The following KIF15 variants were observed in gnomAD, a reference collection of about 807,000 sequenced individuals.
KIF15 encodes the protein kinesin family member 15.
Under a neutral mutation model 190.6 loss-of-function variants are expected in KIF15, and 140 were observed. That is an observed-to-expected ratio of 0.73 (90% CI 0.64 to 0.84). The LOEUF is 0.84. KIF15 is among the 40% of genes least tolerant of loss of function. The pLI, the probability that KIF15 is intolerant of heterozygous loss-of-function variation, is 0.00. For synonymous variants in KIF15, 528 were observed against 551.3 expected (o/e 0.96, Z 0.59); for missense variants, 1,372 against 1,584.4 (o/e 0.87, Z 2.28).
At chr3:44,811,515 C>T (rs551737364) in intron 17 of KIF15, among the ~76,000 whole-genome samples, 1 of 152,164 alleles carries the variant, frequency 6.6e-6, no homozygotes, top group Admixed American at 6.5e-5. Flanking sequence ...TGTGGTGGTA[C>T]ATGCCTGTAA....
At chr3:44,839,900 A>G (rs954000039) in intron 27 of KIF15, among the ~76,000 whole-genome samples, 1 of 152,220 alleles carries the variant, frequency 6.6e-6, no homozygotes, top group Non-Finnish European at 1.5e-5. Flanking sequence ...GTATATATAT[A>G]GCACATTTTC....
chr3:44,800,352 G>A lies in KIF15; in HGVS notation c.1137G>A (p.Gln379=). The change falls in exon 11 of 35, where the codon CAG becomes CAA. Residue 379 remains glutamine, a synonymous_variant. Coordinates refer to ENST00000326047, the MANE Select transcript of KIF15 (RefSeq NM_020242.3). ...AAGACACCCAAGGAAATGTGAGCCA[G>A]CTCCAAGCTGAAGTGAAGAGGCTCA... The part of the protein sequence containing the change: ...VNEDTQGNVS[Q]LQAEVKRLKE... The A allele has an allele frequency of 6.2e-7, 1 of 1,614,174 alleles. No individual in the cohort carries two copies. The highest frequency in any genetic ancestry group is 8.5e-7 in the Non-Finnish European group (1 of 1,179,998).
At chr3:44,841,706 T>G (rs1698616699) in intron 29 of KIF15, among the ~76,000 whole-genome samples, 2 of 152,074 alleles carry the variant, frequency 1.3e-5, no homozygotes, top group South Asian at 4.2e-4. Flanking sequence ...CCAATTTAAT[T>G]TTTTAAACTA....
At chr3:44,834,942 TAATA>T (rs1399144357) in intron 26 of KIF15, among the ~76,000 whole-genome samples, 1 of 150,072 alleles carries the variant, frequency 6.7e-6, no homozygotes, top group African/African-American at 2.4e-5. Context: ...CAAAAAATAA[TAATA>T]AAGAATAGCT....
chr3:44,836,956 C>T (rs372570733), intron 26 of KIF15, among the ~76,000 whole-genome samples: 4 of 152,156 alleles, frequency 2.6e-5, no homozygotes, highest in African/African-American at 7.2e-5. Context: ...AGGTGAGGGG[C>T]CTGGCATCTC....
chr3:44,852,463 A>T (rs78085865), intron 34 of KIF15, 124 bp downstream of exon 34: 17 of 540,710 alleles, frequency 3.1e-5, no homozygotes, highest in South Asian at 9.1e-5. Context: ...TCCTGAATTA[A>T]AAAAAAAAAA....
At chr3:44,862,730 TCTCC>T (rs1699272570) in intron 6 of KIF15, 1 of 151,818 alleles carries the variant, frequency 6.6e-6, no homozygotes, top group African/African-American at 2.4e-5. Context: ...TATCTCTGCC[TCTCC>T]CTCCCACGTC....
At chr3:44,861,745 C>T (rs1316596149) in intron 6 of KIF15, 4 of 638,036 alleles carry the variant, frequency 6.3e-6, no homozygotes, top group Non-Finnish European at 1.0e-5. Context: ...CCGGAGGCCG[C>T]CACAGCCCAG....
intron 26 of KIF15, among the ~76,000 whole-genome samples, chr3:44,833,963 T>C (rs1033328761): frequency 3.9e-5 from 6 of 152,224 alleles, no homozygotes; most frequent in Non-Finnish European, 8.8e-5. Flanking sequence ...AATCTAGCTA[T>C]TTGAGTGGGA....
intron 26 of KIF15, among the ~76,000 whole-genome samples, chr3:44,835,453 G>A (rs935947912): frequency 3.3e-5 from 5 of 151,820 alleles, no homozygotes; most frequent in African/African-American, 1.2e-4. Flanking sequence ...TGATGCCCAC[G>A]CTGGTCTCGA....
intron 26 of KIF15, among the ~76,000 whole-genome samples, chr3:44,834,752 G>A (rs1437494702): frequency 6.7e-5 from 10 of 149,786 alleles, no homozygotes; most frequent in African/African-American, 1.7e-4. Flanking sequence ...GTGAAACCCC[G>A]TCTCTACTAA....
chr3:44,793,839 A>G (rs1706836374), intron 7 of KIF15, among the ~76,000 whole-genome samples: 1 of 149,092 alleles, frequency 6.7e-6, no homozygotes, highest in Admixed American at 6.7e-5. Context: ...CTTATTTTAC[A>G]TTTTAAGTGT....
At chr3:44,770,068 T>C (rs1441590788) in intron 1 of KIF15, among the ~76,000 whole-genome samples, 1 of 152,208 alleles carries the variant, frequency 6.6e-6, no homozygotes, top group Non-Finnish European at 1.5e-5. Context: ...TAGTTGGAGA[T>C]CTCTGGTTGG....
intron 20 of KIF15, among the ~76,000 whole-genome samples, chr3:44,818,270 C>T (rs1708113225): frequency 6.6e-6 from 1 of 152,148 alleles, no homozygotes. Context: ...CCAGAACTTC[C>T]AACACTATAT....
chr3:44,827,312 A>C lies in KIF15; in HGVS notation c.2787-147A>C, dbSNP rs1279340545. ...AATAATTTTTGAAGAAATGGGTTCAAATTTCTGATCCCCCCGGAAGGTAAT... is the reference window on the plus strand; with the variant it reads ...AATAATTTTTGAAGAAATGGGTTCACATTTCTGATCCCCCCGGAAGGTAAT... On this transcript the variant is annotated intron_variant, in intron 22 of 34. Transcript: ENST00000326047. The C allele has an allele frequency of 6.8e-6, 4 of 592,474 alleles. No homozygotes were observed. In the African/African-American group the frequency reaches 7.5e-5, roughly 11 times the overall value. 36.7% of individuals were successfully genotyped at this position (592,474 alleles called of 1,614,324 possible). A position where few individuals can be genotyped will look rare whatever the true frequency, so the allele number is the denominator to read the frequency against.
chr3:44,844,739 G>T (rs562537683), intron 30 of KIF15, among the ~76,000 whole-genome samples: 6 of 152,286 alleles, frequency 3.9e-5, no homozygotes, highest in Non-Finnish European at 8.8e-5. Flanking sequence ...AGAGTCTGGG[G>T]AGCCATTCTG....
chr3:44,800,204 G>A, intron 10 of KIF15, 110 bp from the exon 11 acceptor site: 1 of 976,280 alleles, frequency 1.0e-6, no homozygotes, highest in Non-Finnish European at 1.5e-6. Context: ...ATGTGGTCTT[G>A]AAGTTTTGTT....
At chr3:44,792,848 C>T (rs901108061) in intron 7 of KIF15, among the ~76,000 whole-genome samples, 1 of 152,142 alleles carries the variant, frequency 6.6e-6, no homozygotes, top group South Asian at 2.1e-4. Flanking sequence ...GCCCTGCCAA[C>T]AGCTATGATT....
chr3:44,823,894 C>A (rs545046719), intron 20 of KIF15, among the ~76,000 whole-genome samples: 1 of 152,252 alleles, frequency 6.6e-6, no homozygotes, highest in South Asian at 2.1e-4. Context: ...GCAGAAGTGT[C>A]CCATTTTTCC....
Sources: gnomAD v4.1 joint callset for allele counts (sites outside exome capture counted in the v4.1 genomes callset) on GRCh38, gnomAD v4.1.1 for gene constraint, MANE v1.5 for transcripts, NCBI Gene and HGNC (gene_info 2026-07-23, HGNC 2026-07-21) for gene names.